The following MAN2A2 variants were observed in gnomAD, a reference collection of about 807,000 sequenced individuals.
The protein encoded by MAN2A2 is alpha-mannosidase 2x.
MAN2A2 carries 79 observed loss-of-function variants against 126.8 expected under a neutral mutation model. That is an observed-to-expected ratio of 0.62 (90% CI 0.52 to 0.75). The LOEUF (loss-of-function observed/expected upper bound fraction) is 0.75, where lower values mean the gene tolerates loss of function less well. MAN2A2 is among the 30% of genes least tolerant of loss of function. MAN2A2 has a pLI of 0.00. For synonymous variants in MAN2A2, 671 were observed against 618.7 expected, an observed-to-expected ratio of 1.08 and a Z score of -1.25; for missense variants, 1,392 against 1,522.4, an observed-to-expected ratio of 0.91 and a Z score of 1.43.
At position 90,918,339 on chromosome 15, in the gene MAN2A2, C is replaced by T; in HGVS notation, c.3140C>T (p.Ser1047Leu). 6.2e-7 allele frequency: 1 copy of T among 1,614,180 alleles called. No individual in the cohort carries two copies. The highest frequency in any genetic ancestry group is 8.5e-7 in the Non-Finnish European group (1 of 1,180,012). The change falls in exon 21 of 23, where the codon TCA (serine) becomes TTA (leucine). Residue 1047 changes from serine to leucine, a missense_variant. Physicochemically the swap from Ser to Leu is moderately radical, Grantham distance 145. Transcript: ENST00000559717. ...GLRSFHPLAS[S>L]LPCDFHLLNL... ...CGCTCATTTCATCCTCTGGCTTCCTCACTGCCCTGTGACTTCCACCTGCTC... is the reference window on the plus strand; with the variant it reads ...CGCTCATTTCATCCTCTGGCTTCCTTACTGCCCTGTGACTTCCACCTGCTC...
intron 1 of MAN2A2, chr15:90,903,959 T>C (rs2034040921): frequency 3.6e-6 from 2 of 553,202 alleles, no homozygotes; most frequent in Non-Finnish European, 6.6e-6. Context: ...ACTCTTATCC[T>C]GGGCCCGTTT....
In MAN2A2 at chr15:90,909,414, A is replaced by G. The variant is rs1428560002; in HGVS notation, c.1284A>G (p.Arg428=). 6.2e-7 allele frequency: 1 copy of G among 1,614,086 alleles called. No homozygotes were observed. Among genetic ancestry groups the G allele is most frequent in the Non-Finnish European group, 8.5e-7 (1 of 1,179,994 alleles). ...VLLVPLGDDF[R]YDKPQEWDAQ... ...TGGTGCCTCTTGGAGATGACTTCCG[A>G]TATGACAAGCCCCAGGAGTGGGATG... Residue 428 remains arginine (R), a synonymous_variant, in exon 9 of 23, where the codon CGA becomes CGG. Coordinates refer to ENST00000559717, the MANE Select transcript of MAN2A2 (RefSeq NM_006122.4).
At chr15:90,918,467 C>G in intron 21 of MAN2A2, 79 bp downstream of exon 21, 1 of 1,481,688 alleles carries the variant, frequency 6.7e-7, no homozygotes, top group Non-Finnish European at 9.3e-7. Context: ...CCTTAGCCTC[C>G]AGGATGAGGT....
In MAN2A2 at chr15:90,918,272, G is replaced by C. The variant is rs752188798; in HGVS notation, c.3073G>C (p.Ala1025Pro). The C allele has an allele frequency of 6.2e-7, 1 of 1,614,010 alleles. No homozygotes were observed. Among genetic ancestry groups the C allele is most frequent in the African/African-American group, 1.3e-5 (1 of 74,914 alleles). The change falls in exon 21 of 23, where the codon GCT becomes CCT. Residue 1025 changes from alanine to proline, a missense_variant. Transcript: ENST00000559717. ...CATGTACCTGAACGCCCCGGCGCTC[G>C]CTCTGCCTGTAGCCAGGATGCAGCT... is the stretch of plus-strand genomic sequence containing the variant. The part of the protein sequence containing the change: ...TSMYLNAPAL[A>P]LPVARMQLPG...
chr15:90,911,041 C>A, intron 12 of MAN2A2, 80 bp downstream of exon 12: 4 of 1,488,108 alleles, frequency 2.7e-6, no homozygotes, highest in Non-Finnish European at 2.8e-6. Context: ...GGGGGTGCCG[C>A]TTCTCTTTTT....
In MAN2A2 at chr15:90,912,001, G is replaced by A. The variant is rs199555138; in HGVS notation, c.2110-42G>A. The A allele has an allele frequency of 2.6e-5, 41 of 1,549,788 alleles. No individual in the cohort carries two copies. In the East Asian group the frequency reaches 6.5e-4, roughly 25 times the overall value. ...GCGGATGCCTCAGCACCCCTGTGGC[G>A]AAAGCCGTGCCCCCACTTCCTCACC... On this transcript the variant is annotated intron_variant, in intron 14 of 22. Coordinates refer to ENST00000559717, the MANE Select transcript of MAN2A2 (RefSeq NM_006122.4).
chr15:90,906,674 T>G (rs993977923), intron 6 of MAN2A2, 66 bp from the exon 7 acceptor site: 105 of 1,588,022 alleles, frequency 6.6e-5, no homozygotes, highest in Non-Finnish European at 8.4e-5. Context: ...TCCCAGCACC[T>G]GGAAGGCCGG....
chr15:90,904,252 C>T lies in MAN2A2; in HGVS notation c.45C>T (p.Phe15=), dbSNP rs2034068209. 6.2e-7 allele frequency: 1 copy of T among 1,614,112 alleles called. No individual in the cohort carries two copies. The highest frequency in any genetic ancestry group is 8.5e-7 in the Non-Finnish European group (1 of 1,180,048). Residue 15 remains phenylalanine, a synonymous_variant, in exon 2 of 23, where the codon TTC becomes TTT. Transcript: ENST00000559717. ...KQVTVCGAAI[F]CVAVFSLYLM... ...TGACAGTGTGTGGGGCTGCCATCTT[C>T]TGTGTGGCAGTCTTCTCGCTCTACC...
chr15:90,922,233 T>A lies in MAN2A2; in HGVS notation c.*2446T>A. On this transcript the variant is annotated 3_prime_UTR_variant, in exon 23 of 23. Coordinates refer to ENST00000559717, the MANE Select transcript of MAN2A2 (RefSeq NM_006122.4). ...TTTAGGAGAAAAGCTTGCTTCAGGG[T>A]CCTTAGAGAAAGTCACTGGGGCCTG... The A allele has an allele frequency of 6.6e-6, 1 of 152,084 alleles. No homozygotes were observed. The highest frequency in any genetic ancestry group is 1.9e-4 in the East Asian group (1 of 5,194). 9.4% of individuals were successfully genotyped at this position (152,084 alleles called of 1,614,324 possible).
At chr15:90,919,182 C>T (rs1294266992) in intron 22 of MAN2A2, among the ~76,000 whole-genome samples, 1 of 152,208 alleles carries the variant, frequency 6.6e-6, no homozygotes, top group Non-Finnish European at 1.5e-5. Context: ...ACCCAGAGAT[C>T]TGTAGGCAGG....
In MAN2A2 at chr15:90,910,110, T is replaced by A; in HGVS notation, c.1395T>A (p.Ser465=). 6.2e-7 allele frequency: 1 copy of A among 1,613,188 alleles called. No homozygotes were observed. The highest frequency in any genetic ancestry group is 1.7e-4 in the Middle Eastern group (1 of 5,748). Residue 465 remains serine, a synonymous_variant, in exon 10 of 23, where the codon TCT becomes TCA. Transcript: ENST00000559717. ...LHVQAQFGTL[S]DYFDALYKRT... ...CACAGGCCCAGTTTGGCACTCTTTCTGACTATTTTGATGCCCTGTACAAGA... is the reference window on the plus strand; with the variant it reads ...CACAGGCCCAGTTTGGCACTCTTTCAGACTATTTTGATGCCCTGTACAAGA...
chr15:90,911,497 C>A lies in MAN2A2; in HGVS notation c.2056C>A (p.Gln686Lys). 3.1e-6 allele frequency: 5 copies of A among 1,614,074 alleles called. No individual in the cohort carries two copies. The highest frequency in any genetic ancestry group is 4.2e-6 in the Non-Finnish European group (5 of 1,180,026). ...GGAGGAGGGTCAGCCCCTGGCCGTG[C>A]AGATCAGCGCACACTGGAGCTCTGC... is the stretch of plus-strand genomic sequence containing the variant. ...LSEEGQPLAV[Q>K]ISAHWSSATE... Residue 686 changes from glutamine (Q) to lysine (K), a missense_variant, in exon 14 of 23, where the codon CAG becomes AAG. Transcript: ENST00000559717.
chr15:90,903,988 G>A, intron 1 of MAN2A2: 2 of 623,176 alleles, frequency 3.2e-6, no homozygotes, highest in Non-Finnish European at 2.9e-6. Context: ...ACCAGCCAAA[G>A]GAGAGCGTCC....
In MAN2A2 at chr15:90,918,672, G is replaced by T; in HGVS notation, c.3217G>T (p.Ala1073Ser). 1 of 1,520,918 alleles carries T rather than the reference G, an allele frequency of 6.6e-7. No individual in the cohort carries two copies. The highest frequency in any genetic ancestry group is 9.1e-7 in the Non-Finnish European group (1 of 1,095,704). 94.2% of individuals were successfully genotyped at this position (1,520,918 alleles called of 1,614,324 possible). A position where few individuals can be genotyped will look rare whatever the true frequency, so the allele number is the denominator to read the frequency against. ...GGACACCCTACCCTCGGCGGAGACC[G>T]CACTCATCTTACACCGCAAGGGTTT... is the stretch of plus-strand genomic sequence containing the variant. ...EEDTLPSAETALILHRKGFDC... is the reference protein window; with the variant it reads ...EEDTLPSAETSLILHRKGFDC... Residue 1073 changes from alanine (A) to serine (S), a missense_variant, in exon 22 of 23, where the codon GCA becomes TCA. Ala to Ser is a moderately conservative substitution (Grantham distance 99). Coordinates refer to ENST00000559717, the MANE Select transcript of MAN2A2 (RefSeq NM_006122.4).
Position 90,909,492 on chromosome 15 carries a change from C to T in MAN2A2, c.1362C>T (p.Asn454=), listed in dbSNP as rs1473399668. The change falls in exon 9 of 23, where the codon AAC becomes AAT. Residue 454 remains asparagine (N), a synonymous_variant. Coordinates refer to ENST00000559717, the MANE Select transcript of MAN2A2 (RefSeq NM_006122.4). ...RLFDFFNSRP[N]LHVQAQFGTL... ...TTGACTTCTTCAACAGCAGGCCTAA[C>T]CTCCATGTGCAGGTGTGAGGGGCAC... The T allele has an allele frequency of 6.2e-7, 1 of 1,613,298 alleles. No homozygotes were observed. Among genetic ancestry groups the T allele is most frequent in the East Asian group, 2.2e-5 (1 of 44,878 alleles).
intron 14 of MAN2A2, 41 bp downstream of exon 14, chr15:90,911,591 G>A (rs775350846): frequency 1.6e-5 from 25 of 1,569,934 alleles, no homozygotes; most frequent in Middle Eastern, 4.2e-4. Context: ...CCCTCTGCCC[G>A]TCGTGGGCCC....
intron 22 of MAN2A2, 119 bp from the exon 23 acceptor site, chr15:90,919,516 G>A: frequency 8.0e-7 from 1 of 1,243,334 alleles, no homozygotes; most frequent in Non-Finnish European, 1.1e-6. Context: ...TGGGATTACA[G>A]GTGTGAGCCA....
intron 20 of MAN2A2, 120 bp downstream of exon 20, chr15:90,916,376 C>T: frequency 7.4e-7 from 1 of 1,354,232 alleles, no homozygotes; most frequent in Non-Finnish European, 1.0e-6. Context: ...GAGAGTAGGG[C>T]TGAATTCCTG....
At chr15:90,916,676 G>A in intron 20 of MAN2A2, 1 of 1,292,266 alleles carries the variant, frequency 7.7e-7, no homozygotes, top group Non-Finnish European at 1.0e-6. Context: ...GGTCGGCTCT[G>A]GGAGCGGGGA....
Sources: gnomAD v4.1 joint callset for allele counts (sites outside exome capture counted in the v4.1 genomes callset) on GRCh38, gnomAD v4.1.1 for gene constraint, MANE v1.5 for transcripts, NCBI Gene and HGNC (gene_info 2026-07-23, HGNC 2026-07-21) for gene names.